PPP3R2: variants seen among roughly 807,000 people sequenced by gnomAD.
PPP3R2 encodes protein phosphatase 3 regulatory subunit B, beta, also known as calcineurin subunit B type 2.
For missense variants in PPP3R2, 225 were observed against 217.4 expected, an observed-to-expected ratio of 1.03 and a Z score of -0.22; for synonymous variants, 91 against 91.5, an observed-to-expected ratio of 0.99 and a Z score of 0.03.
chr9:101,594,896 G>A lies in PPP3R2; in HGVS notation c.26C>T (p.Ala9Val). 1 of 1,600,214 alleles carries A rather than the reference G, an allele frequency of 6.2e-7. No homozygotes were observed. Among genetic ancestry groups the A allele is most frequent in the Non-Finnish European group, 8.5e-7 (1 of 1,179,866 alleles). The change falls in exon 1 of 1, where the codon GCG becomes GTG. Residue 9 changes from alanine to valine, a missense_variant. Coordinates refer to ENST00000374806, the MANE Select transcript of PPP3R2 (RefSeq NM_147180.4). Reference sequence around the variant, plus strand: ...ATTGTCAAAGTGGGAGCACATCTCCGCCGGGTAACTGGCCTCGTTTCCCAT... The same window carrying A: ...ATTGTCAAAGTGGGAGCACATCTCCACCGGGTAACTGGCCTCGTTTCCCAT... The part of the protein sequence containing the change: MGNEASYP[A>V]EMCSHFDNDE...
chr9:101,594,836 T>C lies in PPP3R2; in HGVS notation c.86A>G (p.Lys29Arg), dbSNP rs542836480. The change falls in exon 1 of 1, where the codon AAG (lysine) becomes AGG (arginine). Residue 29 changes from lysine (K) to arginine (R), a missense_variant. Transcript: ENST00000374806. The part of the protein sequence containing the change: ...EIKRLGRRFK[K>R]LDLDKSGSLS... ...AGACCCTGATTTGTCCAAGTCCAAC[T>C]TCTTAAACCTCCTGCCCAGCCTTTT... 65 of 1,609,244 alleles carry C rather than the reference T, an allele frequency of 4.0e-5. No individual in the cohort carries two copies. In the East Asian group the frequency reaches 6.5e-4, roughly 16 times the overall value.
rs2118813951 is a variant in PPP3R2, at chr9:101,594,420, G to A, written c.502C>T (p.Leu168Phe). 1 of 1,606,940 alleles carries A rather than the reference G, an allele frequency of 6.2e-7. No homozygotes were observed. The highest frequency in any genetic ancestry group is 1.1e-5 in the South Asian group (1 of 90,530). Residue 168 changes from leucine to phenylalanine, a missense_variant, in exon 1 of 1, where the codon CTC (leucine) becomes TTC (phenylalanine). Leu to Phe is a conservative substitution (Grantham distance 22). Coordinates refer to ENST00000374806, the MANE Select transcript of PPP3R2 (RefSeq NM_147180.4). ...TGTAAGAAAAAGGCTCATACGATGA[G>A]GACCAGCTTCTTGTGGATCTCCAGG... ...RDLEIHKKLV[L>F]IV
In PPP3R2 at chr9:101,594,359, A is replaced by C. The variant is rs994661527; in HGVS notation, c.*50T>G. The stretch of plus-strand genomic sequence containing the variant: ...GGACGTCTTGAGCAAATCTTGAAAG[A>C]GATAGGGAAGAAAGCAGAAGTTGTT... On this transcript the variant is annotated 3_prime_UTR_variant, in exon 1 of 1. Transcript: ENST00000374806. The C allele has an allele frequency of 6.5e-7, 1 of 1,536,836 alleles. No homozygotes were observed. The highest frequency in any genetic ancestry group is 8.7e-7 in the Non-Finnish European group (1 of 1,143,142).
rs367897972 is a variant in PPP3R2, at chr9:101,594,898, C to A, written c.24G>T (p.Pro8=). The change falls in exon 1 of 1, where the codon CCG becomes CCT. Residue 8 remains proline, a synonymous_variant. Transcript: ENST00000374806. Reference sequence around the variant, plus strand: ...TGTCAAAGTGGGAGCACATCTCCGCCGGGTAACTGGCCTCGTTTCCCATTG... The same window carrying A: ...TGTCAAAGTGGGAGCACATCTCCGCAGGGTAACTGGCCTCGTTTCCCATTG... MGNEASY[P]AEMCSHFDND... is the part of the protein sequence containing the mutation. 1 of 1,599,906 alleles carries A rather than the reference C, an allele frequency of 6.3e-7. No individual in the cohort carries two copies. The highest frequency in any genetic ancestry group is 8.5e-7 in the Non-Finnish European group (1 of 1,179,846).
In PPP3R2 at chr9:101,592,903, G is replaced by C. The variant is rs1828052761; in HGVS notation, c.*1506C>G. 1 of 152,102 alleles carries C rather than the reference G, an allele frequency of 6.6e-6. No homozygotes were observed. The highest frequency in any genetic ancestry group is 2.4e-5 in the African/African-American group (1 of 41,410). 9.4% of individuals were successfully genotyped at this position (152,102 alleles called of 1,614,324 possible). Reference sequence around the variant, plus strand: ...GGCTAAGCAAGTGTAGGGAGAGTATGTTTCATTGTTCTGCTGTTTTGAGAG... The same window carrying C: ...GGCTAAGCAAGTGTAGGGAGAGTATCTTTCATTGTTCTGCTGTTTTGAGAG... On this transcript the variant is annotated 3_prime_UTR_variant, in exon 1 of 1. Coordinates refer to ENST00000374806, the MANE Select transcript of PPP3R2 (RefSeq NM_147180.4).
rs1828050743 is a variant in PPP3R2, at chr9:101,592,799, C to T, written c.*1610G>A. 2 of 149,304 alleles carry T rather than the reference C, an allele frequency of 1.3e-5. No homozygotes were observed. Among genetic ancestry groups the T allele is most frequent in the Admixed American group, 1.3e-4 (2 of 14,972 alleles). 9.2% of individuals were successfully genotyped at this position (149,304 alleles called of 1,614,324 possible). ...TTTGGTCAAGACCAGTTGCCAGCTTCTTCCAAATAAAATAGCAGTAAATCT... is the reference window on the plus strand; with the variant it reads ...TTTGGTCAAGACCAGTTGCCAGCTTTTTCCAAATAAAATAGCAGTAAATCT... On this transcript the variant is annotated 3_prime_UTR_variant, in exon 1 of 1. Transcript: ENST00000374806.
rs570603022 is a variant in PPP3R2, at chr9:101,594,401, A to G, written c.*8T>C. ...GAAGTTGTTGGGTGGTGCTTGTAAG[A>G]AAAAGGCTCATACGATGAGGACCAG... On this transcript the variant is annotated 3_prime_UTR_variant, in exon 1 of 1. Transcript: ENST00000374806. 8 of 1,583,862 alleles carry G rather than the reference A, an allele frequency of 5.1e-6. No homozygotes were observed. In the African/African-American group the frequency reaches 1.1e-4, roughly 21 times the overall value.
chr9:101,591,934 C>T lies in PPP3R2; in HGVS notation c.*2475G>A, dbSNP rs1414817514. The stretch of plus-strand genomic sequence containing the variant: ...TGTGAGCATGTAATCCAATATGTTT[C>T]AAGCCCTTGGTCATAATTTTAAAAT... On this transcript the variant is annotated 3_prime_UTR_variant, in exon 1 of 1. Transcript: ENST00000374806. 1 of 152,242 alleles carries T rather than the reference C, an allele frequency of 6.6e-6. No individual in the cohort carries two copies. The highest frequency in any genetic ancestry group is 2.4e-5 in the African/African-American group (1 of 41,470). The allele number at this position is 152,242 out of a possible 1,614,324, so 9.4% of individuals were successfully genotyped here.
In PPP3R2 at chr9:101,591,719, G is replaced by A. The variant is rs1828029079; in HGVS notation, c.*2690C>T. 6.6e-6 allele frequency: 1 copy of A among 152,140 alleles called. No individual in the cohort carries two copies. Among genetic ancestry groups the A allele is most frequent in the Non-Finnish European group, 1.5e-5 (1 of 68,032 alleles). The allele number at this position is 152,140 out of a possible 1,614,324, so 9.4% of individuals were successfully genotyped here. ...AGGAAAAACAAAGCATTCCGATTTG[G>A]GAATAAATGTGATTCTTTTAACCCA... On this transcript the variant is annotated 3_prime_UTR_variant, in exon 1 of 1. Transcript: ENST00000374806.
At position 101,594,805 on chromosome 9, in the gene PPP3R2, G is replaced by T. The variant is rs143999871; in HGVS notation, c.117C>A (p.Ser39Arg). The change falls in exon 1 of 1, where the codon AGC (serine) becomes AGA (arginine). Residue 39 changes from serine (S) to arginine (R), a missense_variant. Ser to Arg is a moderately radical substitution (Grantham distance 110). Transcript: ENST00000374806. ...CCGGCAGGGACATGAACTCCTCCAC[G>T]CTCAGAGACCCTGATTTGTCCAAGT... ...KLDLDKSGSL[S>R]VEEFMSLPEL... 8 of 1,612,522 alleles carry T rather than the reference G, an allele frequency of 5.0e-6. No homozygotes were observed. In the African/African-American group the frequency reaches 5.3e-5, roughly 11 times the overall value.
In PPP3R2 at chr9:101,594,787, G is replaced by A. The variant is rs139403132; in HGVS notation, c.135C>T (p.Ser45=). The change falls in exon 1 of 1, where the codon TCC becomes TCT. Residue 45 remains serine, a synonymous_variant. Coordinates refer to ENST00000374806, the MANE Select transcript of PPP3R2 (RefSeq NM_147180.4). ...SGSLSVEEFM[S]LPELRHNPLV... ...ACGGGTTGTGGCGCAGCTCCGGCAG[G>A]GACATGAACTCCTCCACGCTCAGAG... 2.5e-5 allele frequency: 41 copies of A among 1,613,474 alleles called. No homozygotes were observed. Among genetic ancestry groups the A allele is most frequent in the Non-Finnish European group, 3.5e-5 (41 of 1,180,034 alleles).
Position 101,592,889 on chromosome 9 carries a change from T to C in PPP3R2, c.*1520A>G, listed in dbSNP as rs1051082604. 6.6e-6 allele frequency: 1 copy of C among 151,920 alleles called. No homozygotes were observed. Among genetic ancestry groups the C allele is most frequent in the African/African-American group, 2.4e-5 (1 of 41,310 alleles). 9.4% of individuals were successfully genotyped at this position (151,920 alleles called of 1,614,324 possible). The stretch of plus-strand genomic sequence containing the variant: ...GAGTGGTATCTCTTGGCTAAGCAAG[T>C]GTAGGGAGAGTATGTTTCATTGTTC... On this transcript the variant is annotated 3_prime_UTR_variant, in exon 1 of 1. Transcript: ENST00000374806.
rs142403692 is a variant in PPP3R2, at chr9:101,594,777, G to A, written c.145C>T (p.Leu49=). ...CGCCGCACCAACGGGTTGTGGCGCA[G>A]CTCCGGCAGGGACATGAACTCCTCC... is the stretch of plus-strand genomic sequence containing the variant. ...SVEEFMSLPE[L]RHNPLVRRVI... Residue 49 remains leucine, a synonymous_variant, in exon 1 of 1, where the codon CTG becomes TTG. Transcript: ENST00000374806. The A allele has an allele frequency of 1.3e-5, 21 of 1,613,732 alleles. 1 individual carries two copies. The South Asian group carries it at 2.2e-4, about 17-fold the overall frequency.
In PPP3R2 at chr9:101,592,341, G is replaced by A. The variant is rs1412785490; in HGVS notation, c.*2068C>T. 6.6e-6 allele frequency: 1 copy of A among 152,248 alleles called. No individual in the cohort carries two copies. The highest frequency in any genetic ancestry group is 1.5e-5 in the Non-Finnish European group (1 of 68,060). 9.4% of individuals were successfully genotyped at this position (152,248 alleles called of 1,614,324 possible). On this transcript the variant is annotated 3_prime_UTR_variant, in exon 1 of 1. Coordinates refer to ENST00000374806, the MANE Select transcript of PPP3R2 (RefSeq NM_147180.4). The stretch of plus-strand genomic sequence containing the variant: ...CCTTTACATATTGATCTTGTAGAAG[G>A]GGAAGAAGGGGGAAGGGAAGGGAAT...
chr9:101,594,093 CTTATTTTTGAACT>C lies in PPP3R2; in HGVS notation c.*303_*315del. 3.7e-6 allele frequency: 1 copy of C among 269,246 alleles called. No homozygotes were observed. Among genetic ancestry groups the C allele is most frequent in the Non-Finnish European group, 7.0e-6 (1 of 143,600 alleles). The allele number at this position is 269,246 out of a possible 1,614,324, so 16.7% of individuals were successfully genotyped here. On this transcript the variant is annotated 3_prime_UTR_variant, in exon 1 of 1. Coordinates refer to ENST00000374806, the MANE Select transcript of PPP3R2 (RefSeq NM_147180.4). ...AAATAACAGCAAAAATGTATACTTT[CTTATTTTTGAACT>C]TTTAAAGTTCTAGTTTGGTCTTTGA...
chr9:101,594,358 GAGAT>G lies in PPP3R2; in HGVS notation c.*47_*50del, dbSNP rs772727192. 31 of 1,532,044 alleles carry G rather than the reference GAGAT, an allele frequency of 2.0e-5. No homozygotes were observed. The highest frequency in any genetic ancestry group is 2.6e-5 in the Non-Finnish European group (30 of 1,141,370). The allele number at this position is 1,532,044 out of a possible 1,614,324, so 94.9% of individuals were successfully genotyped here. Reference sequence around the variant, plus strand: ...TGGACGTCTTGAGCAAATCTTGAAAGAGATAGGGAAGAAAGCAGAAGTTGTTGGG... The same window carrying G: ...TGGACGTCTTGAGCAAATCTTGAAAGAGGGAAGAAAGCAGAAGTTGTTGGG... On this transcript the variant is annotated 3_prime_UTR_variant, in exon 1 of 1. Transcript: ENST00000374806.
Position 101,592,750 on chromosome 9 carries a change from T to G in PPP3R2, c.*1659A>C, listed in dbSNP as rs1038570856. 7 of 130,686 alleles carry G rather than the reference T, an allele frequency of 5.4e-5. No homozygotes were observed. The highest frequency in any genetic ancestry group is 2.0e-4 in the African/African-American group (7 of 34,362). 8.1% of individuals were successfully genotyped at this position (130,686 alleles called of 1,614,324 possible). On this transcript the variant is annotated 3_prime_UTR_variant, in exon 1 of 1. Coordinates refer to ENST00000374806, the MANE Select transcript of PPP3R2 (RefSeq NM_147180.4). ...GGTTCCCTACAAGTGATTAAATTTG[T>G]GGACTTTTTTTTTTTTTTTCTATTT...
chr9:101,594,731 G>A lies in PPP3R2; in HGVS notation c.191C>T (p.Thr64Ile), dbSNP rs1391421876. The change falls in exon 1 of 1, where the codon ACC becomes ATC. Residue 64 changes from threonine (T) to isoleucine (I), a missense_variant. Thr to Ile is a moderately conservative substitution (Grantham distance 89, BLOSUM62 -1). Coordinates refer to ENST00000374806, the MANE Select transcript of PPP3R2 (RefSeq NM_147180.4). The stretch of plus-strand genomic sequence containing the variant: ...GAAGTCCACTTCTCCATCACCGTCG[G>A]TGTCGAAGACGTCGATCACTCGCCG... ...LVRRVIDVFD[T>I]DGDGEVDFKE... 1 of 1,613,764 alleles carries A rather than the reference G, an allele frequency of 6.2e-7. No homozygotes were observed. The highest frequency in any genetic ancestry group is 1.7e-5 in the Admixed American group (1 of 60,006).
chr9:101,594,437 A>C lies in PPP3R2; in HGVS notation c.485T>G (p.Ile162Ser). 6.2e-7 allele frequency: 1 copy of C among 1,610,872 alleles called. No homozygotes were observed. Among genetic ancestry groups the C allele is most frequent in the Non-Finnish European group, 8.5e-7 (1 of 1,177,438 alleles). ...EFSAVVRDLEIHKKLVLIV is the reference protein window; with the variant it reads ...EFSAVVRDLESHKKLVLIV ...TACGATGAGGACCAGCTTCTTGTGGATCTCCAGGTCTCTGACCACAGCACT... is the reference window on the plus strand; with the variant it reads ...TACGATGAGGACCAGCTTCTTGTGGCTCTCCAGGTCTCTGACCACAGCACT... Residue 162 changes from isoleucine (I) to serine (S), a missense_variant, in exon 1 of 1, where the codon ATC becomes AGC. Ile to Ser is a moderately radical substitution (Grantham distance 142). Coordinates refer to ENST00000374806, the MANE Select transcript of PPP3R2 (RefSeq NM_147180.4).
Sources: allele counts gnomAD v4.1 joint callset, GRCh38; gene constraint gnomAD v4.1.1; transcripts MANE v1.5; gene names NCBI Gene and HGNC (gene_info 2026-07-23, HGNC 2026-07-21).